The following FANCA variants were observed in gnomAD, a reference collection of about 807,000 sequenced individuals.
FANCA encodes the protein Fanconi anemia group A protein.
A neutral mutation model predicts 194.3 loss-of-function variants in FANCA; 236 were observed. The observed-to-expected ratio is 1.21, with a 90% CI of 1.09 to 1.35. The LOEUF (loss-of-function observed/expected upper bound fraction) is 1.35. Among genes scored for constraint, FANCA ranks in the 40% most tolerant of loss-of-function variants. FANCA has a pLI of 0.00. For missense variants in FANCA, 2,628 were observed against 1,813.9 expected (o/e 1.45, Z -8.15); for synonymous variants, 1,014 against 715.8 (o/e 1.42, Z -6.65).
rs747823528 is a variant in FANCA, at chr16:89,765,067, C to T, written c.2602-1G>A. ...ACAATCTGAACATGAGGAACTGAAA[C>T]TGAAACAGAGAGTGACCCGGCCGTT... On this transcript the variant is annotated splice_acceptor_variant, in intron 27 of 42. Coordinates refer to ENST00000389301, the MANE Select transcript of FANCA (RefSeq NM_000135.4). LOFTEE classifies it high-confidence loss of function. The T allele has an allele frequency of 6.2e-7, 1 of 1,614,088 alleles. No homozygotes were observed. Among genetic ancestry groups the T allele is most frequent in the South Asian group, 1.1e-5 (1 of 91,056 alleles).
At chr16:89,762,152 G>C in intron 28 of FANCA, 130 bp from the exon 29 acceptor site, 1 of 767,294 alleles carries the variant, frequency 1.3e-6, no homozygotes, top group Non-Finnish European at 2.4e-6. Flanking sequence ...TGAAATTGCA[G>C]CTGAGAGTTC....
intron 37 of FANCA, 105 bp downstream of exon 37, chr16:89,742,695 T>C (rs1221067878): frequency 9.6e-6 from 7 of 730,900 alleles, no homozygotes; most frequent in South Asian, 3.0e-5. Context: ...CCAAGCCACA[T>C]ATTTGTCTTT....
intron 30 of FANCA, among the ~76,000 whole-genome samples, chr16:89,754,850 T>C (rs2038716543): frequency 6.6e-6 from 1 of 152,132 alleles, no homozygotes; most frequent in Non-Finnish European, 1.5e-5. Context: ...CCACATGCAG[T>C]CCGTATCAGG....
In FANCA at chr16:89,782,920, T is replaced by C. The variant is rs778700206; in HGVS notation, c.1567-2A>G. 1 of 1,614,000 alleles carries C rather than the reference T, an allele frequency of 6.2e-7. No homozygotes were observed. Among genetic ancestry groups the C allele is most frequent in the Non-Finnish European group, 8.5e-7 (1 of 1,179,874 alleles). ...GAGTCCCATGTTTTCTATAGAAACCTTCAGGGAAGACACAGAATGAGAACA... is the reference window on the plus strand; with the variant it reads ...GAGTCCCATGTTTTCTATAGAAACCCTCAGGGAAGACACAGAATGAGAACA... On this transcript the variant is annotated splice_acceptor_variant, in intron 16 of 42. Transcript: ENST00000389301. LOFTEE classifies it high-confidence loss of function.
chr16:89,739,335 G>A, intron 40 of FANCA, 46 bp from the exon 41 acceptor site: 2 of 1,611,158 alleles, frequency 1.2e-6, no homozygotes, highest in Admixed American at 1.7e-5. Flanking sequence ...CTGCTGGAAA[G>A]GTAGCAGGTG....
intron 5 of FANCA, among the ~76,000 whole-genome samples, chr16:89,809,401 C>G (rs966267893): frequency 2.0e-5 from 3 of 152,032 alleles, no homozygotes; most frequent in Non-Finnish European, 4.4e-5. Flanking sequence ...CTAATGAATT[C>G]TATAATGTAT....
intron 6 of FANCA, among the ~76,000 whole-genome samples, chr16:89,806,922 G>T (rs2040674257): frequency 6.6e-6 from 1 of 152,148 alleles, no homozygotes; most frequent in Non-Finnish European, 1.5e-5. Flanking sequence ...CCCAGTATGG[G>T]CGGCCGGGCA....
At chr16:89,760,493 G>A (rs2376885) in intron 29 of FANCA, among the ~76,000 whole-genome samples, 64,519 of 151,794 alleles carry the variant, frequency 0.43, 15,108 homozygotes, top group East Asian at 0.76. Context: ...CTGAGTCTAG[G>A]TGTGGCAGGC....
chr16:89,761,334 G>C (rs997054531), intron 29 of FANCA, among the ~76,000 whole-genome samples: 2 of 151,582 alleles, frequency 1.3e-5, no homozygotes, highest in Admixed American at 6.6e-5. Flanking sequence ...CAGGAGAATG[G>C]CGTGAACCCG....
intron 30 of FANCA, among the ~76,000 whole-genome samples, chr16:89,754,324 G>T (rs186057254): frequency 6.6e-6 from 1 of 152,160 alleles, no homozygotes; most frequent in East Asian, 1.9e-4. Flanking sequence ...ATCCAGATAG[G>T]AAAGGAAAAA....
rs1338647532 is a variant in FANCA, at chr16:89,738,612, G to A, written c.4357C>T (p.His1453Tyr). Residue 1453 changes from histidine (H) to tyrosine (Y), a missense_variant, in exon 43 of 43, where the codon CAT (histidine) becomes TAT (tyrosine). His to Tyr is a moderately conservative substitution (Grantham distance 83, BLOSUM62 2). Transcript: ENST00000389301. ...APDADLSQEPHLF is the reference protein window; with the variant it reads ...APDADLSQEPYLF Reference sequence around the variant, plus strand: ...AGTGGCAGGTCCCGTCAGAAGAGATGAGGCTCCTGGGACAGGTCAGCGTCA... The same window carrying A: ...AGTGGCAGGTCCCGTCAGAAGAGATAAGGCTCCTGGGACAGGTCAGCGTCA... 2.5e-6 allele frequency: 4 copies of A among 1,613,462 alleles called. No individual in the cohort carries two copies. The East Asian group carries it at 8.9e-5, about 36-fold the overall frequency.
chr16:89,776,292 C>A (rs1465014960), intron 20 of FANCA, among the ~76,000 whole-genome samples: 1 of 150,682 alleles, frequency 6.6e-6, no homozygotes, highest in South Asian at 2.1e-4. Flanking sequence ...CTCACCCTCC[C>A]GAGTAGGTGG....
rs191125094 is a variant in FANCA at position 89,810,118 on chromosome 16, C to T, written c.522+589G>A. Among the ~76,000 whole-genome samples, 246 of 152,024 alleles carry T rather than the reference C, an allele frequency of 1.6e-3. 1 individual carries two copies. The highest frequency in any genetic ancestry group is 5.1e-3 in the African/African-American group (212 of 41,472). On this transcript the variant is annotated intron_variant, in intron 5 of 42. Transcript: ENST00000389301. Reference sequence around the variant, plus strand: ...TGGGCAGATCACGAGGTCAGGAGATCGAGACCATCCTGGCTAACACGGTGA... The same window carrying T: ...TGGGCAGATCACGAGGTCAGGAGATTGAGACCATCCTGGCTAACACGGTGA...
In FANCA at chr16:89,795,942, G is replaced by A. The variant is rs1484944856; in HGVS notation, c.970C>T (p.Leu324=). 6.2e-7 allele frequency: 1 copy of A among 1,614,062 alleles called. No individual in the cohort carries two copies. Residue 324 remains leucine (L), a synonymous_variant, in exon 11 of 43, where the codon CTG becomes TTG. Transcript: ENST00000389301. ...DPLKRFFSHT[L]TQILTHSPVL... is the part of the protein sequence containing the mutation. ...GGGCTGTGAGTGAGTATCTGAGTCA[G>A]GGTATGACTGAAGAACCTCTTCAGA...
chr16:89,805,515 G>A lies in FANCA; in HGVS notation c.597-123C>T, dbSNP rs1019414735. 4 of 699,714 alleles carry A rather than the reference G, an allele frequency of 5.7e-6. No individual in the cohort carries two copies. The Admixed American group carries it at 6.2e-5, about 11-fold the overall frequency. 43.3% of individuals were successfully genotyped at this position (699,714 alleles called of 1,614,324 possible). Reference sequence around the variant, plus strand: ...TTTTTGCTGTCACTGAGGCTGGAGTGCAGTGGCGCAATCAGTCACTGCACC... The same window carrying A: ...TTTTTGCTGTCACTGAGGCTGGAGTACAGTGGCGCAATCAGTCACTGCACC... On this transcript the variant is annotated intron_variant, in intron 6 of 42. Coordinates refer to ENST00000389301, the MANE Select transcript of FANCA (RefSeq NM_000135.4).
At position 89,791,559 on chromosome 16, in the gene FANCA, T is replaced by TCA. The variant is rs1227078813; in HGVS notation, c.1226-25_1226-24dup. ...AGTCTAGTTAAGAACCATGACATAG[T>TCA]CACAGCAAGGCAAGGGCAGCCAGCA... is the stretch of plus-strand genomic sequence containing the variant. On this transcript the variant is annotated intron_variant, in intron 13 of 42. Coordinates refer to ENST00000389301, the MANE Select transcript of FANCA (RefSeq NM_000135.4). 6 of 1,613,380 alleles carry TCA rather than the reference T, an allele frequency of 3.7e-6. No individual in the cohort carries two copies. The Admixed American group carries it at 1.0e-4, about 27-fold the overall frequency.
At chr16:89,746,914 A>G (rs1335354610) in intron 33 of FANCA, 24 bp from the exon 34 acceptor site, 15 of 1,550,916 alleles carry the variant, frequency 9.7e-6, no homozygotes, top group Non-Finnish European at 1.3e-5. Flanking sequence ...CAAGGCAGGT[A>G]AGAAAAGCCC....
intron 30 of FANCA, among the ~76,000 whole-genome samples, chr16:89,753,592 C>CTCAA (rs1188313144): frequency 6.6e-6 from 1 of 152,180 alleles, no homozygotes; most frequent in Admixed American, 6.5e-5. Context: ...GATAAAAACA[C>CTCAA]TCAATCAACC....
At chr16:89,815,769 C>T in intron 2 of FANCA, 108 bp downstream of exon 2, 1 of 933,950 alleles carries the variant, frequency 1.1e-6, no homozygotes, top group Non-Finnish European at 1.8e-6. Flanking sequence ...GCGGGCCAGG[C>T]CACCGCGCCC....
Sources: gnomAD v4.1 joint callset for allele counts (sites outside exome capture counted in the v4.1 genomes callset) on GRCh38, gnomAD v4.1.1 for gene constraint, MANE v1.5 for transcripts, NCBI Gene and HGNC (gene_info 2026-07-23, HGNC 2026-07-21) for gene names.